Variants in UST observed in about 807,000 individuals in gnomAD.
UST encodes chondroitin sulfate 2-O-sulfotransferase.
UST carries 21 observed loss-of-function variants against 45.6 expected under a neutral mutation model. The observed-to-expected ratio is 0.46, with a 90% CI of 0.33 to 0.66. The LOEUF is 0.66. Among genes scored for constraint, UST ranks in the 30% least tolerant of loss-of-function variants. UST has a pLI of 0.02. For synonymous variants in UST, 215 were observed against 200.6 expected, an observed-to-expected ratio of 1.07 and a Z score of -0.61; for missense variants, 463 against 512.4, an observed-to-expected ratio of 0.90 and a Z score of 0.93.
chr6:148,865,007 C>A (rs1778399002), intron 1 of UST, among the ~76,000 whole-genome samples: 1 of 152,164 alleles, frequency 6.6e-6, no homozygotes, highest in Non-Finnish European at 1.5e-5. Flanking sequence ...CAAAATGCGA[C>A]TTTGTACTCT....
chr6:148,906,074 A>G lies in UST; in HGVS notation c.291+19045A>G, dbSNP rs549827002. Among the ~76,000 whole-genome samples, 3 of 148,736 alleles carry G rather than the reference A, an allele frequency of 2.0e-5. No homozygotes were observed. The East Asian group carries it at 5.8e-4, about 29-fold the overall frequency. On this transcript the variant is annotated intron_variant, in intron 2 of 7. Transcript: ENST00000367463. ...TGGCAGTCAGAGGTATCCAGAATGA[A>G]CTTGTCAGTTACGTAAGCCCCATCC...
Position 148,881,345 on chromosome 6 carries a change from C to T in UST, c.248-5641C>T, listed in dbSNP as rs111309968. 6.2e-3 allele frequency among the ~76,000 whole-genome samples: 945 copies of T among 152,230 alleles called. 10 individuals carry two copies. The highest frequency in any genetic ancestry group is 0.021 in the African/African-American group (863 of 41,526). Reference sequence around the variant, plus strand: ...AATGTGTGAAGTTTTTCCCGCTTGACAAGACACTGTAATTCATGATCCCCA... The same window carrying T: ...AATGTGTGAAGTTTTTCCCGCTTGATAAGACACTGTAATTCATGATCCCCA... On this transcript the variant is annotated intron_variant, in intron 1 of 7. Coordinates refer to ENST00000367463, the MANE Select transcript of UST (RefSeq NM_005715.3).
chr6:148,913,228 A>G (rs765099064), intron 2 of UST, among the ~76,000 whole-genome samples: 8 of 152,158 alleles, frequency 5.3e-5, no homozygotes, highest in Non-Finnish European at 1.0e-4. Context: ...GTCCCTGGCC[A>G]GGACAGCACC....
intron 4 of UST, among the ~76,000 whole-genome samples, chr6:148,960,613 A>G (rs1414321279): frequency 6.6e-6 from 1 of 152,248 alleles, no homozygotes; most frequent in African/African-American, 2.4e-5. Flanking sequence ...GTGAACGTGA[A>G]AACGTTTTGG....
At chr6:149,027,032 G>T (rs2115022905) in intron 7 of UST, among the ~76,000 whole-genome samples, 1 of 151,644 alleles carries the variant, frequency 6.6e-6, no homozygotes, top group East Asian at 1.9e-4. Flanking sequence ...TACTTAAATA[G>T]TTTTATAAAC....
rs568986539 is a variant in UST at position 148,920,684 on chromosome 6, A to G, written c.292-20595A>G. On this transcript the variant is annotated intron_variant, in intron 2 of 7. Transcript: ENST00000367463. Reference sequence around the variant, plus strand: ...GCTGGGACCACAGGTGCATGCCACTATGCCTGGCTAGTTTTTGTTGTGTTT... The same window carrying G: ...GCTGGGACCACAGGTGCATGCCACTGTGCCTGGCTAGTTTTTGTTGTGTTT... Among the ~76,000 whole-genome samples, 19 of 152,222 alleles carry G rather than the reference A, an allele frequency of 1.2e-4. No homozygotes were observed. The South Asian group carries it at 3.9e-3, about 32-fold the overall frequency.
chr6:148,863,892 T>C (rs1324422251), intron 1 of UST, among the ~76,000 whole-genome samples: 1 of 152,178 alleles, frequency 6.6e-6, no homozygotes, highest in East Asian at 1.9e-4. Flanking sequence ...TACCCGGCCG[T>C]ATGAGGTGTC....
rs1464954400 is a variant in UST at position 148,747,086 on chromosome 6, G to A, written c.-345G>A. ...AGACCTACAGACACAAAGCCGGGGG[G>A]TCCACGCTGGCGCTGGAGGCGAGCC... On this transcript the variant is annotated 5_prime_UTR_variant, in exon 1 of 8. Coordinates refer to ENST00000367463, the MANE Select transcript of UST (RefSeq NM_005715.3). 1.3e-5 allele frequency among the ~76,000 whole-genome samples: 2 copies of A among 151,316 alleles called. No individual in the cohort carries two copies. The highest frequency in any genetic ancestry group is 1.3e-4 in the Admixed American group (2 of 15,234).
chr6:149,034,580 A>G (rs1219170412), intron 7 of UST, among the ~76,000 whole-genome samples: 1 of 123,572 alleles, frequency 8.1e-6, no homozygotes, highest in Non-Finnish European at 1.7e-5. Flanking sequence ...TGCTCCTAGT[A>G]TATCTGGGTT....
At chr6:149,049,929 TCTCACACACACACACA>T (rs1025883976) in intron 7 of UST, among the ~76,000 whole-genome samples, 1 of 129,734 alleles carries the variant, frequency 7.7e-6, no homozygotes, top group African/African-American at 2.9e-5. Flanking sequence ...TCTCTCTCTC[TCTCACACACACACACA>T]CACACACACA....
intron 4 of UST, among the ~76,000 whole-genome samples, chr6:148,960,523 CTTTTGGCAGAATGGTGGT>C (rs574145398): frequency 2.7e-4 from 41 of 152,284 alleles, no homozygotes; most frequent in African/African-American, 8.9e-4. Context: ...AGGAGGTAGG[CTTTTGGCAGAATGGTGGT>C]TACCAGGGGT....
At chr6:149,002,295 A>G (rs1235681763) in intron 5 of UST, among the ~76,000 whole-genome samples, 1 of 152,190 alleles carries the variant, frequency 6.6e-6, no homozygotes, top group Non-Finnish European at 1.5e-5. Context: ...AAGAATAGCA[A>G]ATTTTAAAAA....
intron 2 of UST, among the ~76,000 whole-genome samples, chr6:148,904,956 C>G (rs1779328097): frequency 6.6e-6 from 1 of 152,224 alleles, no homozygotes. Flanking sequence ...GGGAAGGCAT[C>G]AGCAGCAGGA....
At chr6:148,863,736 AGCTGCAGGTCTGTTGGAGTTT>A (rs761214098) in intron 1 of UST, among the ~76,000 whole-genome samples, 166 of 152,320 alleles carry the variant, frequency 1.1e-3, no homozygotes, top group Middle Eastern at 0.01. Context: ...CAGGACCCTC[AGCTGCAGGTCTGTTGGAGTTT>A]GCTGCAGGTC....
intron 3 of UST, among the ~76,000 whole-genome samples, chr6:148,944,594 A>T (rs1780196928): frequency 6.6e-6 from 1 of 152,030 alleles, no homozygotes; most frequent in African/African-American, 2.4e-5. Flanking sequence ...CACTGAAGGG[A>T]TTATTAAAAA....
intron 7 of UST, among the ~76,000 whole-genome samples, chr6:149,038,120 G>T (rs1468784506): frequency 6.6e-6 from 1 of 151,970 alleles, no homozygotes; most frequent in Non-Finnish European, 1.5e-5. Flanking sequence ...TTTGCATTTG[G>T]ATAGCGCTTT....
At chr6:148,800,814 G>T (rs1237659743) in intron 1 of UST, among the ~76,000 whole-genome samples, 1 of 136,790 alleles carries the variant, frequency 7.3e-6, no homozygotes, top group Non-Finnish European at 1.5e-5. Context: ...TTGGAGACAC[G>T]TGGCTCTGGA....
intron 1 of UST, among the ~76,000 whole-genome samples, chr6:148,755,117 A>G (rs1485993095): frequency 6.6e-6 from 1 of 152,238 alleles, no homozygotes; most frequent in East Asian, 1.9e-4. Flanking sequence ...TTTGCTCACT[A>G]GAATGGAGCC....
intron 1 of UST, among the ~76,000 whole-genome samples, chr6:148,872,275 C>T (rs1027665668): frequency 1.3e-5 from 2 of 152,060 alleles, no homozygotes; most frequent in Non-Finnish European, 2.9e-5. Context: ...TGATGGTACA[C>T]TGAAGTAAAC....
Sources: gnomAD v4.1 joint callset for allele counts (sites outside exome capture counted in the v4.1 genomes callset) on GRCh38, gnomAD v4.1.1 for gene constraint, MANE v1.5 for transcripts, NCBI Gene and HGNC (gene_info 2026-07-23, HGNC 2026-07-21) for gene names.